NKAIN2: variants seen among roughly 807,000 people sequenced by gnomAD.
NKAIN2 encodes the protein sodium/potassium transporting ATPase interacting 2, also known as sodium/potassium-transporting ATPase subunit beta-1-interacting protein 2.
In NKAIN2, 14 loss-of-function variants were observed where a neutral mutation model predicts 32.6. The observed-to-expected ratio is 0.43, with a 90% CI of 0.28 to 0.67. NKAIN2 has a LOEUF of 0.67. NKAIN2 is among the 30% of genes least tolerant of loss of function. The probability of loss-of-function intolerance (pLI) is 0.17; values close to 1 mark genes in which losing one functional copy is unlikely to be tolerated. For missense variants in NKAIN2, 198 were observed against 258.3 expected (o/e 0.77, Z 1.60); for synonymous variants, 80 against 87.2 (o/e 0.92, Z 0.46).
chr6:124,523,793 CCTT>C (rs746279149), intron 3 of NKAIN2, among the ~76,000 whole-genome samples: 1 of 151,992 alleles, frequency 6.6e-6, no homozygotes, highest in Non-Finnish European at 1.5e-5. Context: ...ACTATGGAGA[CCTT>C]CTTATCTCAA....
At chr6:124,123,256 T>C (rs1257786543) in intron 1 of NKAIN2, among the ~76,000 whole-genome samples, 4 of 151,970 alleles carry the variant, frequency 2.6e-5, no homozygotes, top group African/African-American at 7.2e-5. Context: ...GACTCTCTGA[T>C]GGAAGACAGC....
chr6:124,610,476 A>G (rs1436849434), intron 3 of NKAIN2, among the ~76,000 whole-genome samples: 1 of 152,210 alleles, frequency 6.6e-6, no homozygotes, highest in African/African-American at 2.4e-5. Flanking sequence ...GGGAGAACTA[A>G]TATCTTTTTC....
At chr6:124,821,172 G>A (rs1781378934) in intron 6 of NKAIN2, among the ~76,000 whole-genome samples, 2 of 152,004 alleles carry the variant, frequency 1.3e-5, no homozygotes, top group African/African-American at 2.4e-5. Context: ...GTGCACGCCT[G>A]TAATCCCAGT....
intron 3 of NKAIN2, among the ~76,000 whole-genome samples, chr6:124,579,870 A>T (rs886163017): frequency 6.6e-6 from 1 of 152,246 alleles, no homozygotes; most frequent in Non-Finnish European, 1.5e-5. Context: ...GCGCTCCAAT[A>T]CATCTGGCAG....
At chr6:124,554,037 A>T (rs1562253051) in intron 3 of NKAIN2, among the ~76,000 whole-genome samples, 1 of 152,198 alleles carries the variant, frequency 6.6e-6, no homozygotes, top group Non-Finnish European at 1.5e-5. Flanking sequence ...ATAAACCAGA[A>T]GCGTTCCCCA....
intron 1 of NKAIN2, among the ~76,000 whole-genome samples, chr6:123,885,865 T>C (rs1773687333): frequency 6.6e-6 from 1 of 151,734 alleles, no homozygotes; most frequent in East Asian, 1.9e-4. Flanking sequence ...GCTAAAGTAC[T>C]TTACTTGACT....
At chr6:123,880,425 T>G (rs1407777473) in intron 1 of NKAIN2, among the ~76,000 whole-genome samples, 3 of 152,134 alleles carry the variant, frequency 2.0e-5, no homozygotes, top group Non-Finnish European at 4.4e-5. Flanking sequence ...CACTTCTGCT[T>G]GAATTCATTT....
intron 1 of NKAIN2, among the ~76,000 whole-genome samples, chr6:123,980,875 C>CTT (rs572742166): frequency 4.9e-5 from 7 of 143,042 alleles, no homozygotes; most frequent in South Asian, 2.2e-4. Context: ...TTCACTTATC[C>CTT]TTTTTTTTTT....
intron 3 of NKAIN2, among the ~76,000 whole-genome samples, chr6:124,559,610 C>T (rs899399996): frequency 6.6e-6 from 1 of 152,128 alleles, no homozygotes; most frequent in Non-Finnish European, 1.5e-5. Context: ...ATGTGATTCT[C>T]TTTGGCTAAC....
intron 1 of NKAIN2, among the ~76,000 whole-genome samples, chr6:124,228,611 A>G (rs866447223): frequency 6.6e-6 from 1 of 151,960 alleles, no homozygotes; most frequent in African/African-American, 2.4e-5. Context: ...TATTAAACTA[A>G]CCATTGTCCA....
chr6:123,986,875 G>T (rs900303618), intron 1 of NKAIN2, among the ~76,000 whole-genome samples: 1 of 152,184 alleles, frequency 6.6e-6, no homozygotes, highest in Admixed American at 6.5e-5. Context: ...TCATGGACTG[G>T]TTTGGTGTTG....
intron 3 of NKAIN2, among the ~76,000 whole-genome samples, chr6:124,459,281 C>G (rs1228783690): frequency 1.3e-5 from 2 of 151,944 alleles, no homozygotes; most frequent in Non-Finnish European, 2.9e-5. Context: ...CAAAATAAGC[C>G]TGTTCCTGGC....
At chr6:124,386,060 T>G (rs1772885620) in intron 3 of NKAIN2, among the ~76,000 whole-genome samples, 1 of 151,886 alleles carries the variant, frequency 6.6e-6, no homozygotes, top group Non-Finnish European at 1.5e-5. Flanking sequence ...TGAAGAAAAA[T>G]GGGTGTCCTT....
intron 1 of NKAIN2, among the ~76,000 whole-genome samples, chr6:123,942,903 T>C (rs1316394204): frequency 1.3e-5 from 2 of 152,058 alleles, no homozygotes; most frequent in Non-Finnish European, 2.9e-5. Flanking sequence ...TGCTCATTGA[T>C]ACAATAATTG....
Position 124,264,998 on chromosome 6 carries a change from A to G in NKAIN2, c.55-18007A>G, listed in dbSNP as rs961479857. On this transcript the variant is annotated intron_variant, in intron 1 of 6. Transcript: ENST00000368417. Reference sequence around the variant, plus strand: ...TGCATAAATTTCACCATTTATGCAGACAGGTCCACATCCAAATTATATGGA... The same window carrying G: ...TGCATAAATTTCACCATTTATGCAGGCAGGTCCACATCCAAATTATATGGA... 2.0e-5 allele frequency among the ~76,000 whole-genome samples: 3 copies of G among 152,186 alleles called. No homozygotes were observed. In the East Asian group the frequency reaches 5.8e-4, roughly 29 times the overall value.
intron 1 of NKAIN2, among the ~76,000 whole-genome samples, chr6:124,240,831 C>G (rs1793051225): frequency 6.6e-6 from 1 of 152,072 alleles, no homozygotes; most frequent in Admixed American, 6.6e-5. Flanking sequence ...TGAAAACCAG[C>G]ACAAGACAGG....
At chr6:124,219,744 T>C (rs2114690507) in intron 1 of NKAIN2, among the ~76,000 whole-genome samples, 1 of 152,264 alleles carries the variant, frequency 6.6e-6, no homozygotes. Flanking sequence ...AAAGGTTGGC[T>C]CTCAAGTAGA....
chr6:124,680,765 GATA>G (rs1167171330), intron 4 of NKAIN2, among the ~76,000 whole-genome samples: 3 of 151,944 alleles, frequency 2.0e-5, no homozygotes, highest in Non-Finnish European at 4.4e-5. Flanking sequence ...GACCACTGCA[GATA>G]ATATTTGCGC....
intron 1 of NKAIN2, among the ~76,000 whole-genome samples, chr6:123,848,082 G>A (rs1775166921): frequency 6.6e-6 from 1 of 152,226 alleles, no homozygotes; most frequent in Admixed American, 6.5e-5. Flanking sequence ...ACTGTTAAGT[G>A]AGGAAAGTGG....
Sources: gnomAD v4.1 joint callset for allele counts (sites outside exome capture counted in the v4.1 genomes callset) on GRCh38, gnomAD v4.1.1 for gene constraint, MANE v1.5 for transcripts, NCBI Gene and HGNC (gene_info 2026-07-23, HGNC 2026-07-21) for gene names.